The following SRSF1 variants were observed in gnomAD, a reference collection of about 807,000 sequenced individuals.
The protein encoded by SRSF1 is serine/arginine-rich splicing factor 1.
A neutral mutation model predicts 25.9 loss-of-function variants in SRSF1; 1 was observed. The observed-to-expected ratio is 0.04, with a 90% confidence interval of 0.01 to 0.18. The LOEUF is 0.18. Ranked by LOEUF, SRSF1 falls within the 10% of genes least tolerant of loss-of-function variation. The probability of loss-of-function intolerance (pLI) is 1.00; values close to 1 mark genes in which losing one functional copy is unlikely to be tolerated. For missense variants in SRSF1, 65 were observed against 350.5 expected (o/e 0.19, Z 6.50); for synonymous variants, 132 against 126.2 (o/e 1.05, Z -0.31).
rs754069968 is a variant in SRSF1 at position 58,007,155 on chromosome 17, C to T, written c.-18G>A. On this transcript the variant is annotated 5_prime_UTR_variant, in exon 1 of 4. Coordinates refer to ENST00000258962, the MANE Select transcript of SRSF1 (RefSeq NM_006924.5). Reference sequence around the variant, plus strand: ...CCCGACATGGCGGTGACGAAAAGCGCGGACTCGAGAACAGGCCTTCCCACC... The same window carrying T: ...CCCGACATGGCGGTGACGAAAAGCGTGGACTCGAGAACAGGCCTTCCCACC... The T allele has an allele frequency of 7.4e-6, 12 of 1,613,172 alleles. No homozygotes were observed. The highest frequency in any genetic ancestry group is 2.2e-5 in the East Asian group (1 of 44,890).
At chr17:57,999,607 G>A (rs529830592), downstream of SRSF1, among the ~76,000 whole-genome samples, 1 of 152,332 alleles carries the variant, frequency 6.6e-6, no homozygotes, top group Admixed American at 6.5e-5. Flanking sequence ...GATCAAGGTA[G>A]TTAGCTGGTC....
rs1243271541 is a variant in SRSF1, at chr17:58,007,126, A to C, written c.12T>G (p.Gly4=). 9.3e-6 allele frequency: 15 copies of C among 1,613,392 alleles called. No homozygotes were observed. Among genetic ancestry groups the C allele is most frequent in the Non-Finnish European group, 1.0e-5 (12 of 1,179,814 alleles). The change falls in exon 1 of 4, where the codon GGT becomes GGG. Residue 4 remains glycine (G), a synonymous_variant. Coordinates refer to ENST00000258962, the MANE Select transcript of SRSF1 (RefSeq NM_006924.5). ...TCCCTGCGGGGCCACGAATCACACC[A>C]CCTCCCGACATGGCGGTGACGAAAA... is the stretch of plus-strand genomic sequence containing the variant. The part of the protein sequence containing the change: MSG[G]GVIRGPAGNN...
At chr17:57,999,735 T>C (rs1403715337), downstream of SRSF1, among the ~76,000 whole-genome samples, 1 of 152,168 alleles carries the variant, frequency 6.6e-6, no homozygotes, top group Non-Finnish European at 1.5e-5. Context: ...CAGTACAGCA[T>C]GTTGTAAAAA....
chr17:58,000,286 A>G (rs2075381306), downstream of SRSF1, among the ~76,000 whole-genome samples: 1 of 152,182 alleles, frequency 6.6e-6, no homozygotes, highest in Non-Finnish European at 1.5e-5. Flanking sequence ...TGGTTTAAGT[A>G]TACTATAATC....
rs1176085645 is a variant in SRSF1 at position 58,004,315 on chromosome 17, C to T, written c.*1091G>A. 1 of 152,580 alleles carries T rather than the reference C, an allele frequency of 6.6e-6. No individual in the cohort carries two copies. Among genetic ancestry groups the T allele is most frequent in the Non-Finnish European group, 1.5e-5 (1 of 68,030 alleles). The allele number at this position is 152,580 out of a possible 1,614,324, so 9.5% of individuals were successfully genotyped here. A position where few individuals can be genotyped will look rare whatever the true frequency, so the allele number is the denominator to read the frequency against. On this transcript the variant is annotated 3_prime_UTR_variant, in exon 4 of 4. Transcript: ENST00000258962. Reference sequence around the variant, plus strand: ...TAATTTAAGTTTACTGGCATTGCTACCCACCTAAGTCTAAAACTAAATCTA... The same window carrying T: ...TAATTTAAGTTTACTGGCATTGCTATCCACCTAAGTCTAAAACTAAATCTA...
rs1350735379 is a variant in SRSF1 at position 58,002,134 on chromosome 17, C to T, written c.*3272G>A. 6.6e-6 allele frequency among the ~76,000 whole-genome samples: 1 copy of T among 152,108 alleles called. No homozygotes were observed. Among genetic ancestry groups the T allele is most frequent in the Non-Finnish European group, 1.5e-5 (1 of 68,026 alleles). On this transcript the variant is annotated 3_prime_UTR_variant, in exon 4 of 4. Transcript: ENST00000258962. ...TTAAAATGTTCTACACATAAAACTT[C>T]TTAGAATTTCAAGAATGTCATGTAA... is the stretch of plus-strand genomic sequence containing the variant.
the SRSF1 span, chr17:57,990,688 T>A: frequency 1.3e-5 from 2 of 152,202 alleles, no homozygotes; most frequent in African/African-American, 4.8e-5. Flanking sequence ...AGACAGCAAA[T>A]TCATCTAGAT....
chr17:57,991,717 T>A, the SRSF1 span: 1 of 150,426 alleles, frequency 6.6e-6, no homozygotes, highest in African/African-American at 2.5e-5. Flanking sequence ...CTGAACTGGA[T>A]AAGCACACTA....
chr17:57,993,552 T>G, the SRSF1 span: 1 of 152,292 alleles, frequency 6.6e-6, no homozygotes, highest in Non-Finnish European at 1.5e-5. Context: ...CAAGCTTACC[T>G]GCTGCTGTCC....
Position 58,005,682 on chromosome 17 carries a change from A to G in SRSF1, c.553-82T>C. ...CATGCTGAATGAATACAATGTAACT[A>G]AAACCAGAAATCTGGCAATTTACTT... On this transcript the variant is annotated intron_variant, in intron 3 of 3. Coordinates refer to ENST00000258962, the MANE Select transcript of SRSF1 (RefSeq NM_006924.5). This position sits in a 1 kb window ranked among gnomAD's most constrained non-coding sequence, Gnocchi z 5.2. The G allele has an allele frequency of 6.2e-7, 1 of 1,607,754 alleles. No individual in the cohort carries two copies. Among genetic ancestry groups the G allele is most frequent in the Non-Finnish European group, 8.5e-7 (1 of 1,176,024 alleles).
In SRSF1 at chr17:58,007,206, C is replaced by T. The variant is rs1012867270; in HGVS notation, c.-69G>A. ...AAGCCTAGCGCACGGCAGAGCGAGCCCGCAGCGGCACCACGTCTCCCGCGG... is the reference window on the plus strand; with the variant it reads ...AAGCCTAGCGCACGGCAGAGCGAGCTCGCAGCGGCACCACGTCTCCCGCGG... On this transcript the variant is annotated 5_prime_UTR_variant, in exon 1 of 4. Transcript: ENST00000258962. The T allele has an allele frequency of 6.4e-6, 10 of 1,574,264 alleles. No individual in the cohort carries two copies. The East Asian group carries it at 9.0e-5, about 14-fold the overall frequency.
chr17:57,998,163 T>C (rs1002945231), downstream of SRSF1, among the ~76,000 whole-genome samples: 2 of 152,062 alleles, frequency 1.3e-5, no homozygotes, highest in African/African-American at 2.4e-5. Context: ...TGAGCCGAGA[T>C]TGTGCCACTA....
the SRSF1 span, chr17:57,992,237 GAA>G: frequency 6.6e-6 from 1 of 152,168 alleles, no homozygotes; most frequent in Non-Finnish European, 1.5e-5. Context: ...CACAAGGAAA[GAA>G]ACTAAGACAA....
chr17:58,000,878 G>C (rs1339745526), downstream of SRSF1, among the ~76,000 whole-genome samples: 1 of 152,158 alleles, frequency 6.6e-6, no homozygotes, highest in African/African-American at 2.4e-5. Context: ...AGTTCAACAG[G>C]AAACAGTTTA....
rs1016138004 is a variant in SRSF1, at chr17:58,005,301, A to T, written c.*105T>A. 6 of 1,244,544 alleles carry T rather than the reference A, an allele frequency of 4.8e-6. No homozygotes were observed. Among genetic ancestry groups the T allele is most frequent in the Middle Eastern group, 1.9e-4 (1 of 5,166 alleles). 77.1% of individuals were successfully genotyped at this position (1,244,544 alleles called of 1,614,324 possible). On this transcript the variant is annotated 3_prime_UTR_variant, in exon 4 of 4. Transcript: ENST00000258962. This position sits in a 1 kb window ranked among gnomAD's most constrained non-coding sequence, Gnocchi z 5.2. ...TTACAAGAATGCAATTCAACACTTT[A>T]GCCCATTCTGAACAAAACAGTTTGA... is the stretch of plus-strand genomic sequence containing the variant.
At chr17:57,995,129 T>C in the SRSF1 span, among the ~76,000 whole-genome samples, 1 of 152,258 alleles carries the variant, frequency 6.6e-6, no homozygotes, top group Non-Finnish European at 1.5e-5. Flanking sequence ...AGAGATAGTA[T>C]GTGTAGGCTA....
At chr17:58,000,361 G>A (rs181360139), downstream of SRSF1, among the ~76,000 whole-genome samples, 46 of 152,250 alleles carry the variant, frequency 3.0e-4, 1 homozygote, top group Admixed American at 2.5e-3. Context: ...AGACAATCAC[G>A]ATAGACATAA....
chr17:58,007,221 G>T lies in SRSF1; in HGVS notation c.-84C>A. 6.6e-7 allele frequency: 1 copy of T among 1,514,144 alleles called. No individual in the cohort carries two copies. The highest frequency in any genetic ancestry group is 9.0e-7 in the Non-Finnish European group (1 of 1,110,904). 93.8% of individuals were successfully genotyped at this position (1,514,144 alleles called of 1,614,324 possible). On this transcript the variant is annotated 5_prime_UTR_variant, in exon 1 of 4. Transcript: ENST00000258962. ...CAGAGCGAGCCCGCAGCGGCACCAC[G>T]TCTCCCGCGGCCCCTCCAAAATGGC...
rs180978889 is a variant in SRSF1 at position 58,006,144 on chromosome 17, A to G, written c.380-171T>C. 1.4e-3 allele frequency: 1,346 copies of G among 963,788 alleles called. 4 individuals are homozygous for G. The highest frequency in any genetic ancestry group is 1.9e-3 in the Non-Finnish European group (1,264 of 659,868). 59.7% of individuals were successfully genotyped at this position (963,788 alleles called of 1,614,324 possible). A position where few individuals can be genotyped will look rare whatever the true frequency, so the allele number is the denominator to read the frequency against. On this transcript the variant is annotated intron_variant, in intron 2 of 3. Coordinates refer to ENST00000258962, the MANE Select transcript of SRSF1 (RefSeq NM_006924.5). ...GAATCCAGAGTCCAAAATTATTTGTAACGATCTTCGTATCTAGTACCGCAA... is the reference window on the plus strand; with the variant it reads ...GAATCCAGAGTCCAAAATTATTTGTGACGATCTTCGTATCTAGTACCGCAA...
Sources: allele counts gnomAD v4.1 joint callset (sites outside exome capture counted in the v4.1 genomes callset), GRCh38; gene constraint gnomAD v4.1.1; non-coding constraint Gnocchi (gnomAD v3.1); transcripts MANE v1.5; gene names NCBI Gene and HGNC (gene_info 2026-07-23, HGNC 2026-07-21).